SLC24A3: variants seen among roughly 807,000 people sequenced by gnomAD.
SLC24A3 encodes the protein solute carrier family 24 member 3, also known as sodium/potassium/calcium exchanger 3.
A neutral mutation model predicts 75.8 loss-of-function variants in SLC24A3; 28 were observed. The observed-to-expected ratio is 0.37, with a 90% CI of 0.27 to 0.51. The LOEUF is 0.51. SLC24A3 is among the 20% of genes least tolerant of loss of function. The pLI is 0.94. For synonymous variants in SLC24A3, 372 were observed against 334.1 expected (o/e 1.11, Z -1.24); for missense variants, 663 against 847.8 (o/e 0.78, Z 2.71).
intron 1 of SLC24A3, among the ~76,000 whole-genome samples, chr20:19,215,394 G>A (rs111824204): frequency 4.9e-4 from 75 of 152,258 alleles, no homozygotes; most frequent in African/African-American, 1.7e-3. Flanking sequence ...TCCCTACTCT[G>A]TCCTCATATT....
chr20:19,531,930 T>C (rs950927088), intron 3 of SLC24A3, among the ~76,000 whole-genome samples: 1 of 152,148 alleles, frequency 6.6e-6, no homozygotes, highest in Non-Finnish European at 1.5e-5. Context: ...GACAGAAGTA[T>C]TATCTCCTCC....
intron 2 of SLC24A3, among the ~76,000 whole-genome samples, chr20:19,325,264 AAAT>A (rs372287889): frequency 0.012 from 1,811 of 150,536 alleles, 36 homozygotes; most frequent in African/African-American, 0.041. Flanking sequence ...CTGCACTACA[AAAT>A]AATAATAATA....
At chr20:19,709,125 G>A (rs1210136456) in intron 15 of SLC24A3, among the ~76,000 whole-genome samples, 3 of 152,196 alleles carry the variant, frequency 2.0e-5, no homozygotes, top group Non-Finnish European at 2.9e-5. Flanking sequence ...GGAGCTCTGG[G>A]AAACAGAGGA....
At position 19,415,644 on chromosome 20, in the gene SLC24A3, TA is replaced by T. The variant is rs11481890; in HGVS notation, c.272-99831del. On this transcript the variant is annotated intron_variant, in intron 2 of 16. Coordinates refer to ENST00000328041, the MANE Select transcript of SLC24A3 (RefSeq NM_020689.4). ...GTATCAGTTATACCTCAATAAAGCTTAAAAAAAAAAAAACTGAATCTAGGTC... is the reference window on the plus strand; with the variant it reads ...GTATCAGTTATACCTCAATAAAGCTTAAAAAAAAAAAACTGAATCTAGGTC... Among the ~76,000 whole-genome samples the T allele has an allele frequency of 2.5e-3, 364 of 143,264 alleles. 1 individual carries two copies. The highest frequency in any genetic ancestry group is 6.1e-3 in the African/African-American group (237 of 39,074). 94.0% of individuals were successfully genotyped at this position (143,264 alleles called of 152,430 possible).
intron 3 of SLC24A3, among the ~76,000 whole-genome samples, chr20:19,539,012 G>A (rs1393122646): frequency 6.6e-6 from 1 of 152,142 alleles, no homozygotes; most frequent in Admixed American, 6.6e-5. Context: ...AAAAGTATGG[G>A]CTGTATGATC....
At chr20:19,363,386 AG>A (rs1191762226) in intron 2 of SLC24A3, among the ~76,000 whole-genome samples, 1 of 152,262 alleles carries the variant, frequency 6.6e-6, no homozygotes, top group Non-Finnish European at 1.5e-5. Flanking sequence ...AGCTTTATGC[AG>A]ATATCTAAGT....
At chr20:19,645,919 G>C (rs1197513462) in intron 6 of SLC24A3, among the ~76,000 whole-genome samples, 1 of 152,094 alleles carries the variant, frequency 6.6e-6, no homozygotes, top group Non-Finnish European at 1.5e-5. Flanking sequence ...GCCCAGCGTG[G>C]TGGCATGTGC....
At chr20:19,452,949 C>T (rs1256114919) in intron 2 of SLC24A3, among the ~76,000 whole-genome samples, 1 of 152,072 alleles carries the variant, frequency 6.6e-6, no homozygotes, top group African/African-American at 2.4e-5. Flanking sequence ...TTTGGGAGGC[C>T]GAGGTGGGTG....
chr20:19,652,313 A>G (rs2032215576), intron 6 of SLC24A3, among the ~76,000 whole-genome samples: 1 of 152,252 alleles, frequency 6.6e-6, no homozygotes, highest in Non-Finnish European at 1.5e-5. Context: ...TGTGTTAAAG[A>G]AATTCAAAAT....
chr20:19,576,120 G>A (rs1197341672), intron 3 of SLC24A3, among the ~76,000 whole-genome samples: 1 of 152,054 alleles, frequency 6.6e-6, no homozygotes, highest in East Asian at 1.9e-4. Flanking sequence ...ATATTTAGAA[G>A]AACTGAGGAA....
At chr20:19,374,155 A>G (rs1986039150) in intron 2 of SLC24A3, among the ~76,000 whole-genome samples, 1 of 152,150 alleles carries the variant, frequency 6.6e-6, no homozygotes, top group Non-Finnish European at 1.5e-5. Flanking sequence ...GGGCAAAGCA[A>G]GGAATTTCCA....
At chr20:19,265,512 A>G (rs964973482) in intron 1 of SLC24A3, among the ~76,000 whole-genome samples, 13 of 152,264 alleles carry the variant, frequency 8.5e-5, no homozygotes, top group Admixed American at 8.5e-4. Context: ...CAGACTTTAC[A>G]TGGGATGGGA....
chr20:19,583,202 T>G (rs2031243423), intron 4 of SLC24A3, among the ~76,000 whole-genome samples: 11 of 148,892 alleles, frequency 7.4e-5, no homozygotes, highest in South Asian at 6.5e-4. Flanking sequence ...AGAGAGAGAG[T>G]GGGGGAAGGA....
intron 8 of SLC24A3, among the ~76,000 whole-genome samples, chr20:19,666,493 G>A (rs1454684472): frequency 2.0e-5 from 3 of 151,940 alleles, no homozygotes; most frequent in Non-Finnish European, 1.5e-5. Flanking sequence ...GCGACACAGT[G>A]AGACTCCATC....
intron 2 of SLC24A3, among the ~76,000 whole-genome samples, chr20:19,431,719 T>C (rs550051466): frequency 2.8e-3 from 306 of 108,420 alleles, no homozygotes; most frequent in Middle Eastern, 9.1e-3. Flanking sequence ...ATAGATTCAC[T>C]TCAAAAAAAA....
chr20:19,631,173 G>C (rs2031928304), intron 6 of SLC24A3, among the ~76,000 whole-genome samples: 1 of 152,044 alleles, frequency 6.6e-6, no homozygotes, highest in Non-Finnish European at 1.5e-5. Context: ...GTGAAACACT[G>C]TCTACAAAAA....
chr20:19,382,955 C>T (rs893379403), intron 2 of SLC24A3, among the ~76,000 whole-genome samples: 8 of 152,128 alleles, frequency 5.3e-5, no homozygotes, highest in African/African-American at 9.7e-5. Context: ...GCTGCCAAAA[C>T]GTATTTTCCA....
chr20:19,414,131 C>T (rs1477007370), intron 2 of SLC24A3, among the ~76,000 whole-genome samples: 2 of 152,098 alleles, frequency 1.3e-5, no homozygotes, highest in African/African-American at 4.8e-5. Context: ...TTTGCCCTAT[C>T]AAATTAACAA....
At chr20:19,424,602 C>T (rs894349038) in intron 2 of SLC24A3, among the ~76,000 whole-genome samples, 27 of 151,626 alleles carry the variant, frequency 1.8e-4, no homozygotes, top group Admixed American at 1.5e-3. Context: ...GAGGCAGAAT[C>T]GCTTGAGCCT....
Sources: allele counts gnomAD v4.1 joint callset (sites outside exome capture counted in the v4.1 genomes callset), GRCh38; gene constraint gnomAD v4.1.1; transcripts MANE v1.5; gene names NCBI Gene and HGNC (gene_info 2026-07-23, HGNC 2026-07-21).